IL1RAPL2: variants seen among roughly 807,000 people sequenced by gnomAD.
IL1RAPL2 encodes interleukin 1 receptor accessory protein like 2, also known as X-linked interleukin-1 receptor accessory protein-like 2.
IL1RAPL2 carries 3 observed loss-of-function variants against 44.1 expected under a neutral mutation model. That is an observed-to-expected ratio of 0.07 (90% CI 0.03 to 0.18). IL1RAPL2 has a LOEUF of 0.18. IL1RAPL2 is among the 10% of genes least tolerant of loss of function. IL1RAPL2 has a pLI of 1.00. For missense variants in IL1RAPL2, 391 were observed against 496.4 expected, an observed-to-expected ratio of 0.79 and a Z score of 2.02; for synonymous variants, 181 against 178.8, an observed-to-expected ratio of 1.01 and a Z score of -0.10.
chrX:104,970,786 A>G (rs1167193528), intron 2 of IL1RAPL2, among the ~76,000 whole-genome samples: 4 of 111,641 alleles, frequency 3.6e-5, no homozygotes, highest in African/African-American at 1.3e-4. Flanking sequence ...GGGGATGCAA[A>G]AGTGCAGAGG....
At chrX:104,920,484 G>C (rs1924601788) in intron 2 of IL1RAPL2, among the ~76,000 whole-genome samples, 1 of 102,755 alleles carries the variant, frequency 9.7e-6, no homozygotes, top group South Asian at 5.1e-4. Flanking sequence ...TACTGAGTGA[G>C]TTATCGTGAG....
chrX:105,402,056 A>G (rs2035610010), intron 5 of IL1RAPL2, among the ~76,000 whole-genome samples: 1 of 111,318 alleles, frequency 9.0e-6, no homozygotes, highest in African/African-American at 3.3e-5. Flanking sequence ...TTCATGGGAC[A>G]TGTTACATCA....
At chrX:104,673,125 G>A (rs1258059226) in intron 2 of IL1RAPL2, among the ~76,000 whole-genome samples, 6 of 111,452 alleles carry the variant, frequency 5.4e-5, no homozygotes, top group Non-Finnish European at 1.1e-4. Context: ...GTCAATTTTG[G>A]CTTTTGTTGA....
At chrX:105,534,952 C>A (rs948313514) in intron 6 of IL1RAPL2, among the ~76,000 whole-genome samples, 1 of 111,431 alleles carries the variant, frequency 9.0e-6, no homozygotes, top group African/African-American at 3.3e-5. Flanking sequence ...TATTCATGAC[C>A]TGGGAATAGG....
chrX:104,640,538 G>C (rs1208565028), intron 1 of IL1RAPL2, among the ~76,000 whole-genome samples: 1 of 111,670 alleles, frequency 9.0e-6, no homozygotes, highest in Non-Finnish European at 1.9e-5. Context: ...ATGTTTCTTT[G>C]TAGGTGTCAT....
intron 1 of IL1RAPL2, among the ~76,000 whole-genome samples, chrX:104,580,745 T>C (rs1199852699): frequency 8.9e-6 from 1 of 112,351 alleles, no homozygotes. Flanking sequence ...GTTCTAATCC[T>C]TGCCTGCCAA....
At chrX:105,451,664 A>G (rs2036020321) in intron 5 of IL1RAPL2, among the ~76,000 whole-genome samples, 1 of 112,037 alleles carries the variant, frequency 8.9e-6, no homozygotes, top group Non-Finnish European at 1.9e-5. Context: ...CTTGTTTCCC[A>G]GATTAGTCTA....
intron 2 of IL1RAPL2, among the ~76,000 whole-genome samples, chrX:105,034,508 G>T (rs1253957376): frequency 8.9e-6 from 1 of 112,356 alleles, no homozygotes; most frequent in Non-Finnish European, 1.9e-5. Flanking sequence ...CTGTTTGCCT[G>T]GGTATCAGCA....
intron 2 of IL1RAPL2, among the ~76,000 whole-genome samples, chrX:104,967,330 A>G (rs1302955953): frequency 1.8e-5 from 2 of 111,594 alleles, no homozygotes; most frequent in Non-Finnish European, 3.8e-5. Flanking sequence ...GAAAATGTTC[A>G]TATTGGACAT....
At chrX:105,691,612 A>G (rs1358157736) in intron 6 of IL1RAPL2, among the ~76,000 whole-genome samples, 1 of 112,037 alleles carries the variant, frequency 8.9e-6, no homozygotes, top group Non-Finnish European at 1.9e-5. Context: ...AGAGCCAAGT[A>G]AAGACATGCT....
At chrX:105,388,307 G>T (rs1326083246) in intron 5 of IL1RAPL2, among the ~76,000 whole-genome samples, 1 of 89,784 alleles carries the variant, frequency 1.1e-5, no homozygotes, top group African/African-American at 4.3e-5. Flanking sequence ...ATCACATTAA[G>T]AAATACAGCA....
intron 2 of IL1RAPL2, among the ~76,000 whole-genome samples, chrX:105,047,135 G>T (rs1190610542): frequency 9.0e-6 from 1 of 111,060 alleles, no homozygotes; most frequent in Non-Finnish European, 1.9e-5. Flanking sequence ...CATGCAGGGA[G>T]TTGCATATAC....
intron 5 of IL1RAPL2, among the ~76,000 whole-genome samples, chrX:105,450,062 T>A (rs1366096386): frequency 8.9e-6 from 1 of 112,124 alleles, no homozygotes; most frequent in Non-Finnish European, 1.9e-5. Context: ...GCAGTTCACC[T>A]GATGTTCTAT....
intron 2 of IL1RAPL2, among the ~76,000 whole-genome samples, chrX:104,685,885 G>A (rs982610369): frequency 4.6e-5 from 5 of 108,936 alleles, no homozygotes; most frequent in South Asian, 4.0e-4. Context: ...CTAAGATTGC[G>A]CCACTGCACT....
intron 2 of IL1RAPL2, among the ~76,000 whole-genome samples, chrX:104,726,910 A>G (rs1323953156): frequency 1.8e-5 from 2 of 109,602 alleles, no homozygotes; most frequent in African/African-American, 6.6e-5. Context: ...TTGTCTTTAT[A>G]TGGATTTTCT....
At position 105,588,043 on chromosome X, in the gene IL1RAPL2, T is replaced by C. The variant is rs188598619; in HGVS notation, c.772+103656T>C. On this transcript the variant is annotated intron_variant, in intron 6 of 10. Transcript: ENST00000372582. ...AACAGAGTGAGACTGTCTCAAAATA[T>C]TAATTAATTACAATTTTAAAAAAGA... Among the ~76,000 whole-genome samples, 226 of 111,814 alleles carry C rather than the reference T, an allele frequency of 2.0e-3. 1 individual carries two copies. Among genetic ancestry groups the C allele is most frequent in the African/African-American group, 7.1e-3 (218 of 30,836 alleles).
intron 7 of IL1RAPL2, among the ~76,000 whole-genome samples, chrX:105,739,287 A>T (rs2038476116): frequency 9.0e-6 from 1 of 111,153 alleles, no homozygotes; most frequent in African/African-American, 3.3e-5. Flanking sequence ...GACTTTATTT[A>T]TCAAAGCCTA....
At chrX:105,325,733 C>T (rs2034933400) in intron 5 of IL1RAPL2, among the ~76,000 whole-genome samples, 1 of 109,208 alleles carries the variant, frequency 9.2e-6, no homozygotes, top group Admixed American at 9.8e-5. Flanking sequence ...TCATCACCAG[C>T]ATTTGTCATT....
chrX:104,674,006 A>G lies in IL1RAPL2; in HGVS notation c.82+15011A>G, dbSNP rs867763339. On this transcript the variant is annotated intron_variant, in intron 2 of 10. Transcript: ENST00000372582. Reference sequence around the variant, plus strand: ...GCTTAAGGAGATTTTGGGCTGAGACAGTGGGGTTTTCTAGATATACAATCA... The same window carrying G: ...GCTTAAGGAGATTTTGGGCTGAGACGGTGGGGTTTTCTAGATATACAATCA... Among the ~76,000 whole-genome samples, 188 of 111,503 alleles carry G rather than the reference A, an allele frequency of 1.7e-3. 1 individual carries two copies. Among genetic ancestry groups the G allele is most frequent in the African/African-American group, 4.8e-3 (146 of 30,651 alleles).
Sources: gnomAD v4.1 joint callset for allele counts (sites outside exome capture counted in the v4.1 genomes callset) on GRCh38, gnomAD v4.1.1 for gene constraint, MANE v1.5 for transcripts, NCBI Gene and HGNC (gene_info 2026-07-23, HGNC 2026-07-21) for gene names.